The following REPS2 variants were observed in gnomAD, a reference collection of about 807,000 sequenced individuals.
The protein encoded by REPS2 is RALBP1 associated Eps domain containing 2.
In REPS2, 23 loss-of-function variants were observed where a neutral mutation model predicts 53.6. The ratio of observed to expected loss-of-function variants is 0.43; its 90% confidence interval spans 0.31 to 0.61. REPS2 has a LOEUF of 0.61. Ranked by LOEUF, REPS2 falls within the 20% of genes least tolerant of loss-of-function variation. REPS2 has a pLI of 0.11. For synonymous variants in REPS2, 238 were observed against 218.6 expected, an observed-to-expected ratio of 1.09 and a Z score of -0.78; for missense variants, 446 against 534.9, an observed-to-expected ratio of 0.83 and a Z score of 1.64.
chrX:16,962,164 G>C (rs751893511), intron 1 of REPS2, among the ~76,000 whole-genome samples: 4 of 110,567 alleles, frequency 3.6e-5, no homozygotes, highest in Non-Finnish European at 5.7e-5. Flanking sequence ...AAGTCAGTGT[G>C]TCAAAGAGGT....
rs111921915 is a variant in REPS2 at position 16,971,332 on chromosome X, T to C, written c.273+24198T>C. ...ATTTAGATCGTTTGTCCATTTTAAA[T>C]TGGGTTGTCTTTATAAAATGTTGAA... On this transcript the variant is annotated intron_variant, in intron 1 of 17. Transcript: ENST00000357277. 4.7e-3 allele frequency among the ~76,000 whole-genome samples: 525 copies of C among 112,421 alleles called. 2 individuals carry two copies. The highest frequency in any genetic ancestry group is 0.016 in the African/African-American group (503 of 30,963).
At chrX:17,140,735 ATATTAT>A (rs199967140) in intron 17 of REPS2, among the ~76,000 whole-genome samples, 25,343 of 89,346 alleles carry the variant, frequency 0.28, 3,173 homozygotes, top group Middle Eastern at 0.36. Flanking sequence ...GCATGCACAA[ATATTAT>A]TATTATTATT....
In REPS2 at chrX:17,032,665, T is replaced by C. The variant is rs139662765; in HGVS notation, c.771+3042T>C. Among the ~76,000 whole-genome samples the C allele has an allele frequency of 3.8e-3, 430 of 111,948 alleles. 1 individual carries two copies. Among genetic ancestry groups the C allele is most frequent in the Non-Finnish European group, 6.5e-3 (348 of 53,157 alleles). The stretch of plus-strand genomic sequence containing the variant: ...TGTGCCGATGGCAACCTTCTTTCTC[T>C]TCTAACTAGTTCTCTGGCCTTGTAT... On this transcript the variant is annotated intron_variant, in intron 5 of 17. Transcript: ENST00000357277.
chrX:17,085,566 G>A (rs1326450312), intron 13 of REPS2, among the ~76,000 whole-genome samples: 1 of 111,931 alleles, frequency 8.9e-6, no homozygotes, highest in Non-Finnish European at 1.9e-5. Flanking sequence ...CAATGTTTCA[G>A]TATACAAGTC....
intron 1 of REPS2, among the ~76,000 whole-genome samples, chrX:16,962,496 C>T (rs753018409): frequency 1.3e-4 from 15 of 111,234 alleles, no homozygotes; most frequent in Non-Finnish European, 2.6e-4. Context: ...AATAGAACCA[C>T]GGTTACCAAG....
chrX:16,977,242 G>T (rs948470430), intron 1 of REPS2, among the ~76,000 whole-genome samples: 1 of 110,797 alleles, frequency 9.0e-6, no homozygotes, highest in Non-Finnish European at 1.9e-5. Flanking sequence ...TTCCTATTGG[G>T]ATGAGTTGGC....
chrX:16,948,930 C>T (rs755979921), intron 1 of REPS2, among the ~76,000 whole-genome samples: 2 of 111,869 alleles, frequency 1.8e-5, no homozygotes, highest in African/African-American at 3.3e-5. Flanking sequence ...ACATCATCCA[C>T]CTTTAATCCA....
At position 17,150,807 on chromosome X, in the gene REPS2, C is replaced by A. The variant is rs1489191258; in HGVS notation, c.*3326C>A. 1 of 112,199 alleles carries A rather than the reference C, an allele frequency of 8.9e-6. No individual in the cohort carries two copies. Among genetic ancestry groups the A allele is most frequent in the Non-Finnish European group, 1.9e-5 (1 of 53,188 alleles). 9.2% of individuals were successfully genotyped at this position (112,199 alleles called of 1,213,427 possible). A position where few individuals can be genotyped will look rare whatever the true frequency, so the allele number is the denominator to read the frequency against. Reference sequence around the variant, plus strand: ...CTAGTGGCAGATTTGGGGCGCCAACCTGATTTTATGGATTTTGAGTTAGAT... The same window carrying A: ...CTAGTGGCAGATTTGGGGCGCCAACATGATTTTATGGATTTTGAGTTAGAT... On this transcript the variant is annotated 3_prime_UTR_variant, in exon 18 of 18. Coordinates refer to ENST00000357277, the MANE Select transcript of REPS2 (RefSeq NM_004726.3).
intron 9 of REPS2, among the ~76,000 whole-genome samples, chrX:17,067,809 T>G (rs1261531008): frequency 8.9e-6 from 1 of 111,940 alleles, no homozygotes; most frequent in East Asian, 2.8e-4. Context: ...CTTGGCCAAA[T>G]GGACCAGAGT....
chrX:16,982,957 C>T lies in REPS2; in HGVS notation c.274-23264C>T, dbSNP rs767071703. On this transcript the variant is annotated intron_variant, in intron 1 of 17. Transcript: ENST00000357277. Reference sequence around the variant, plus strand: ...TGGTCCTCAAGCAATGGCAGTTTTGCATTTCTCACACTGAGATATCTGGCA... The same window carrying T: ...TGGTCCTCAAGCAATGGCAGTTTTGTATTTCTCACACTGAGATATCTGGCA... Among the ~76,000 whole-genome samples, 64 of 112,628 alleles carry T rather than the reference C, an allele frequency of 5.7e-4. 1 individual carries two copies. Among genetic ancestry groups the T allele is most frequent in the Middle Eastern group, 4.6e-3 (1 of 219 alleles).
intron 14 of REPS2, among the ~76,000 whole-genome samples, chrX:17,117,820 T>G (rs1477443968): frequency 9.0e-6 from 1 of 110,610 alleles, no homozygotes; most frequent in Non-Finnish European, 1.9e-5. Flanking sequence ...AACTGGTATT[T>G]CTAGTTCTAG....
At chrX:17,065,680 G>A (rs1344910516) in intron 9 of REPS2, among the ~76,000 whole-genome samples, 3 of 111,430 alleles carry the variant, frequency 2.7e-5, no homozygotes, top group Admixed American at 9.5e-5. Context: ...TCTGCCTCCC[G>A]GGTTCAAGCA....
At chrX:16,972,781 C>T (rs762251554) in intron 1 of REPS2, among the ~76,000 whole-genome samples, 1 of 111,881 alleles carries the variant, frequency 8.9e-6, no homozygotes, top group East Asian at 2.8e-4. Flanking sequence ...TTCAATCACT[C>T]AAGGGATGAG....
intron 13 of REPS2, chrX:17,099,708 A>G: frequency 2.1e-6 from 1 of 481,075 alleles, no homozygotes; most frequent in Non-Finnish European, 3.7e-6. Context: ...TGTCAAGACA[A>G]GTAGAACTTC....
chrX:17,123,933 A>G (rs1413054646), intron 14 of REPS2, among the ~76,000 whole-genome samples: 1 of 112,482 alleles, frequency 8.9e-6, no homozygotes, highest in African/African-American at 3.2e-5. Context: ...TGGGAAACCA[A>G]TCATAATTTT....
chrX:16,989,076 G>A (rs1487355929), intron 1 of REPS2, among the ~76,000 whole-genome samples: 2 of 111,552 alleles, frequency 1.8e-5, no homozygotes, highest in African/African-American at 3.3e-5. Flanking sequence ...TCAAGACTGT[G>A]TGATATTGGT....
intron 2 of REPS2, among the ~76,000 whole-genome samples, chrX:17,019,636 C>T (rs1022519057): frequency 1.8e-5 from 2 of 110,589 alleles, no homozygotes; most frequent in African/African-American, 6.6e-5. Flanking sequence ...CCTGTCTGGG[C>T]AATATAGCAA....
chrX:17,049,461 AG>A (rs2061950606), intron 6 of REPS2, among the ~76,000 whole-genome samples: 1 of 112,000 alleles, frequency 8.9e-6, no homozygotes, highest in Admixed American at 9.5e-5. Flanking sequence ...TTAACCAAAA[AG>A]TTTATACGTG....
At chrX:17,081,318 T>G (rs1214984283) in intron 13 of REPS2, among the ~76,000 whole-genome samples, 2 of 111,075 alleles carry the variant, frequency 1.8e-5, no homozygotes, top group Non-Finnish European at 3.8e-5. Flanking sequence ...ATGGGATGGT[T>G]GTTACATAGG....
Sources: gnomAD v4.1 joint callset for allele counts (sites outside exome capture counted in the v4.1 genomes callset) on GRCh38, gnomAD v4.1.1 for gene constraint, MANE v1.5 for transcripts, NCBI Gene and HGNC (gene_info 2026-07-23, HGNC 2026-07-21) for gene names.